Variants in N4BP2 observed in about 807,000 individuals in gnomAD.
N4BP2 encodes NEDD4 binding protein 2.
A neutral mutation model predicts 152.8 loss-of-function variants in N4BP2; 91 were observed. That is an observed-to-expected ratio of 0.60 (90% CI 0.50 to 0.71). The LOEUF (loss-of-function observed/expected upper bound fraction) is 0.71. Ranked by LOEUF, N4BP2 falls within the 30% of genes least tolerant of loss-of-function variation. The probability of loss-of-function intolerance (pLI) is 0.00; values close to 1 mark genes in which losing one functional copy is unlikely to be tolerated. For missense variants in N4BP2, 1,923 were observed against 2,059.1 expected, an observed-to-expected ratio of 0.93 and a Z score of 1.28; for synonymous variants, 646 against 705.3, an observed-to-expected ratio of 0.92 and a Z score of 1.33.
chr4:40,131,570 G>C (rs1199186977), intron 12 of N4BP2, among the ~76,000 whole-genome samples: 5 of 123,876 alleles, frequency 4.0e-5, no homozygotes, highest in Non-Finnish European at 9.2e-5. Context: ...ACATGTGATT[G>C]TGTGTGTGTG....
At chr4:40,180,061 G>A in the N4BP2 span, among the ~76,000 whole-genome samples, 1 of 152,096 alleles carries the variant, frequency 6.6e-6, no homozygotes, top group Admixed American at 6.5e-5. Context: ...ACCGCGCCTG[G>A]CCTAGAGTGG....
At chr4:40,066,359 C>A (rs1387250240) in intron 1 of N4BP2, among the ~76,000 whole-genome samples, 2 of 132,598 alleles carry the variant, frequency 1.5e-5, no homozygotes, top group African/African-American at 5.8e-5. Flanking sequence ...CACTTTGTTG[C>A]TCAGGCTGAA....
intron 2 of N4BP2, among the ~76,000 whole-genome samples, chr4:40,092,284 A>T (rs1344313576): frequency 1.4e-5 from 2 of 146,740 alleles, no homozygotes; most frequent in East Asian, 3.9e-4. Context: ...GGCCCTGGAA[A>T]TTTTTTTTTT....
intron 15 of N4BP2, 101 bp downstream of exon 15, chr4:40,142,962 G>A: frequency 1.1e-6 from 1 of 927,064 alleles, no homozygotes; most frequent in East Asian, 2.6e-5. Context: ...AAGTTATTCT[G>A]GGGAATGTAG....
intron 13 of N4BP2, 62 bp from the exon 14 acceptor site, chr4:40,136,882 T>A: frequency 3.2e-6 from 4 of 1,260,456 alleles, no homozygotes; most frequent in Non-Finnish European, 4.5e-6. Context: ...TTGCTTGTGT[T>A]AATGTCCCAC....
Position 40,144,804 on chromosome 4 carries a change from G to A in N4BP2, c.5143+4G>A, listed in dbSNP as rs762133769. On this transcript the variant is annotated splice_donor_region_variant and intron_variant, in intron 16 of 17. Transcript: ENST00000261435. ...GTTTTAGAGAAGAAGACTGAAGGTAGGACTGTGGTAATCACAAGTTTTCAA... is the reference window on the plus strand; with the variant it reads ...GTTTTAGAGAAGAAGACTGAAGGTAAGACTGTGGTAATCACAAGTTTTCAA... The A allele has an allele frequency of 6.3e-7, 1 of 1,595,642 alleles. No homozygotes were observed. Among genetic ancestry groups the A allele is most frequent in the East Asian group, 2.3e-5 (1 of 44,422 alleles).
chr4:40,103,787 T>C (rs941846006), intron 4 of N4BP2, among the ~76,000 whole-genome samples: 1 of 152,162 alleles, frequency 6.6e-6, no homozygotes, highest in Non-Finnish European at 1.5e-5. Flanking sequence ...ATCCCTTCTG[T>C]AGTTAAGGTA....
At chr4:40,179,594 A>G in the N4BP2 span, among the ~76,000 whole-genome samples, 2 of 152,140 alleles carry the variant, frequency 1.3e-5, no homozygotes, top group Non-Finnish European at 2.9e-5. Flanking sequence ...TGGAAATTAA[A>G]TAATTTTCCT....
chr4:40,060,602 AT>A (rs11302996), intron 1 of N4BP2, among the ~76,000 whole-genome samples: 85,437 of 134,818 alleles, frequency 0.63, 26,306 homozygotes, highest in East Asian at 0.9. Flanking sequence ...AAGTAGCTAG[AT>A]TTTTTTTTTT....
At chr4:40,084,469 T>A (rs1316516364) in intron 2 of N4BP2, among the ~76,000 whole-genome samples, 1 of 149,592 alleles carries the variant, frequency 6.7e-6, no homozygotes, top group Non-Finnish European at 1.5e-5. Context: ...GGAGTCTTGG[T>A]TTTTTGTCTA....
chr4:40,141,592 C>T (rs1719974564), intron 14 of N4BP2, among the ~76,000 whole-genome samples: 1 of 151,508 alleles, frequency 6.6e-6, no homozygotes. Context: ...AGACGCTCCT[C>T]ACTTTCCAGA....
At chr4:40,091,690 C>T (rs543875986) in intron 2 of N4BP2, among the ~76,000 whole-genome samples, 18 of 142,106 alleles carry the variant, frequency 1.3e-4, no homozygotes, top group Admixed American at 3.0e-4. Context: ...ACTGAAGCCT[C>T]GACCACCTGG....
At chr4:40,118,729 C>G (rs1717583173) in intron 8 of N4BP2, among the ~76,000 whole-genome samples, 1 of 152,228 alleles carries the variant, frequency 6.6e-6, no homozygotes, top group Non-Finnish European at 1.5e-5. Context: ...TGAAAATACT[C>G]TTTCAAGCTA....
chr4:40,143,637 A>G (rs985622945), intron 15 of N4BP2, among the ~76,000 whole-genome samples: 31 of 152,180 alleles, frequency 2.0e-4, no homozygotes, highest in Admixed American at 1.9e-3. Context: ...GTGTTGCCAT[A>G]TGGGTTACTT....
chr4:40,123,745 A>G (rs1479111366), intron 10 of N4BP2, among the ~76,000 whole-genome samples: 1 of 151,706 alleles, frequency 6.6e-6, no homozygotes, highest in South Asian at 2.1e-4. Context: ...TTGGCCTCCC[A>G]AAGTGTTGGG....
downstream of N4BP2, among the ~76,000 whole-genome samples, chr4:40,162,001 G>A (rs1230658133): frequency 6.6e-6 from 1 of 152,186 alleles, no homozygotes; most frequent in Non-Finnish European, 1.5e-5. Context: ...CACCAGAAAA[G>A]TGTTGTAGAA....
At chr4:40,170,796 A>C in the N4BP2 span, among the ~76,000 whole-genome samples, 1 of 152,212 alleles carries the variant, frequency 6.6e-6, no homozygotes, top group Non-Finnish European at 1.5e-5. Flanking sequence ...TTATGCATTA[A>C]CTTAAATGAT....
In N4BP2 at chr4:40,105,536, G is replaced by A. The variant is rs538831828; in HGVS notation, c.1374-1364G>A. 3.4e-5 allele frequency among the ~76,000 whole-genome samples: 5 copies of A among 146,384 alleles called. No individual in the cohort carries two copies. The South Asian group carries it at 1.2e-3, about 34-fold the overall frequency. On this transcript the variant is annotated intron_variant, in intron 4 of 17. Coordinates refer to ENST00000261435, the MANE Select transcript of N4BP2 (RefSeq NM_018177.6). ...GACAGGGTTTCACCATGTTGGCCAGGCTGGTCTCAAACTTTTTTTTTTTTT... is the reference window on the plus strand; with the variant it reads ...GACAGGGTTTCACCATGTTGGCCAGACTGGTCTCAAACTTTTTTTTTTTTT...
intron 12 of N4BP2, among the ~76,000 whole-genome samples, chr4:40,129,240 T>TG (rs1310608127): frequency 6.6e-6 from 1 of 151,956 alleles, no homozygotes; most frequent in Admixed American, 6.6e-5. Flanking sequence ...TGTTTTGTTT[T>TG]TTTTGAGACA....
Sources: gnomAD v4.1 joint callset for allele counts (sites outside exome capture counted in the v4.1 genomes callset) on GRCh38, gnomAD v4.1.1 for gene constraint, MANE v1.5 for transcripts, NCBI Gene and HGNC (gene_info 2026-07-23, HGNC 2026-07-21) for gene names.